Variants in STRN3 observed in about 807,000 individuals in gnomAD.
The protein encoded by STRN3 is striatin 3.
A neutral mutation model predicts 95.6 loss-of-function variants in STRN3; 29 were observed. That is an observed-to-expected ratio of 0.30 (90% confidence interval 0.23 to 0.41). The LOEUF (loss-of-function observed/expected upper bound fraction) is 0.41, where lower values mean the gene tolerates loss of function less well. Ranked by LOEUF, STRN3 falls within the 10% of genes least tolerant of loss-of-function variation. STRN3 has a pLI of 1.00. For synonymous variants in STRN3, 331 were observed against 357.6 expected (o/e 0.93, Z 0.84); for missense variants, 890 against 972.1 (o/e 0.92, Z 1.12).
chr14:30,927,248 G>A (rs146564603), intron 8 of STRN3, among the ~76,000 whole-genome samples: 9 of 152,234 alleles, frequency 5.9e-5, no homozygotes, highest in Admixed American at 1.3e-4. Flanking sequence ...AGGAGAGTTT[G>A]AGGCTACAGT....
At chr14:31,004,497 G>C (rs1882625365) in intron 1 of STRN3, among the ~76,000 whole-genome samples, 1 of 152,030 alleles carries the variant, frequency 6.6e-6, no homozygotes, top group Non-Finnish European at 1.5e-5. Flanking sequence ...AAAGAGGCTG[G>C]GCCTGATGGC....
intron 1 of STRN3, among the ~76,000 whole-genome samples, chr14:30,965,209 T>C (rs72668373): frequency 0.016 from 2,451 of 152,248 alleles, 36 homozygotes; most frequent in South Asian, 0.03. Flanking sequence ...CCTAATACAA[T>C]TGACTATGTA....
chr14:30,975,568 G>C (rs1881055485), intron 1 of STRN3, among the ~76,000 whole-genome samples: 1 of 141,074 alleles, frequency 7.1e-6, no homozygotes, highest in African/African-American at 2.6e-5. Flanking sequence ...GAAGAAGAAA[G>C]AAAGAGAACG....
intron 9 of STRN3, among the ~76,000 whole-genome samples, chr14:30,915,379 CT>C (rs1295813600): frequency 6.6e-6 from 1 of 152,092 alleles, no homozygotes; most frequent in Admixed American, 6.5e-5. Context: ...AAATAGGGCT[CT>C]AAAATGCAGC....
intron 5 of STRN3, among the ~76,000 whole-genome samples, chr14:30,945,096 T>C (rs1474683395): frequency 6.6e-6 from 1 of 152,176 alleles, no homozygotes; most frequent in Non-Finnish European, 1.5e-5. Context: ...CGTCTCATGG[T>C]AAAAATGCTT....
intron 2 of STRN3, 39 bp from the exon 3 acceptor site, chr14:30,955,732 TTC>T (rs748200621): frequency 1.2e-5 from 18 of 1,503,868 alleles, no homozygotes; most frequent in Middle Eastern, 4.7e-4. Context: ...TCACAACTTC[TTC>T]TTTTTGTCAC....
chr14:30,975,909 AAAAG>A (rs1335714802), intron 1 of STRN3, among the ~76,000 whole-genome samples: 1 of 151,994 alleles, frequency 6.6e-6, no homozygotes, highest in African/African-American at 2.4e-5. Context: ...GATAACTACT[AAAAG>A]AAACATTTTT....
At chr14:30,938,026 T>C (rs1878908664) in intron 5 of STRN3, among the ~76,000 whole-genome samples, 1 of 152,172 alleles carries the variant, frequency 6.6e-6, no homozygotes, top group Non-Finnish European at 1.5e-5. Flanking sequence ...TAATACCTAA[T>C]ACACTGTAAA....
intron 1 of STRN3, among the ~76,000 whole-genome samples, chr14:30,976,077 C>A (rs1202472643): frequency 6.6e-6 from 1 of 152,058 alleles, no homozygotes; most frequent in African/African-American, 2.4e-5. Context: ...CATCAATAAT[C>A]ACTTTAAATG....
intron 1 of STRN3, among the ~76,000 whole-genome samples, chr14:30,975,564 GA>G (rs1248468909): frequency 3.6e-5 from 5 of 139,570 alleles, no homozygotes; most frequent in South Asian, 2.3e-4. Flanking sequence ...AAAAGAAGAA[GA>G]AAGAAAGAGA....
At chr14:30,907,596 T>C (rs985855078) in intron 13 of STRN3, among the ~76,000 whole-genome samples, 39 of 142,084 alleles carry the variant, frequency 2.7e-4, no homozygotes, top group Non-Finnish European at 4.7e-4. Context: ...TGAGTATGTT[T>C]TCTTTTTTTC....
chr14:30,939,880 G>A (rs1442005022), intron 5 of STRN3, among the ~76,000 whole-genome samples: 5 of 152,002 alleles, frequency 3.3e-5, no homozygotes, highest in African/African-American at 1.2e-4. Flanking sequence ...TCCCATAACA[G>A]TAATATAGTT....
chr14:30,982,098 C>CAAAAAAAA (rs11451891), intron 1 of STRN3, among the ~76,000 whole-genome samples: 5 of 75,482 alleles, frequency 6.6e-5, no homozygotes, highest in Admixed American at 4.1e-4. Flanking sequence ...CTCTGTCTCA[C>CAAAAAAAA]AAAAAAAAAA....
intron 5 of STRN3, among the ~76,000 whole-genome samples, chr14:30,937,478 C>G (rs917577126): frequency 6.6e-6 from 1 of 152,100 alleles, no homozygotes; most frequent in Non-Finnish European, 1.5e-5. Context: ...ACTTATTTAA[C>G]AGGTAATAGG....
intron 1 of STRN3, among the ~76,000 whole-genome samples, chr14:30,992,060 T>A (rs568565154): frequency 6.5e-4 from 98 of 151,764 alleles, no homozygotes; most frequent in South Asian, 4.2e-3. Context: ...ACAGTAGAGA[T>A]AATAGTATAT....
intron 5 of STRN3, among the ~76,000 whole-genome samples, chr14:30,939,614 AG>A (rs1431664857): frequency 1.3e-5 from 2 of 152,134 alleles, no homozygotes; most frequent in Non-Finnish European, 2.9e-5. Context: ...TCTGCTTGCT[AG>A]GAAATACTTA....
intron 5 of STRN3, among the ~76,000 whole-genome samples, chr14:30,946,189 C>T (rs1261211173): frequency 6.6e-6 from 1 of 152,172 alleles, no homozygotes; most frequent in Non-Finnish European, 1.5e-5. Flanking sequence ...CTCTGAACTA[C>T]ATGAAATCAG....
intron 15 of STRN3, among the ~76,000 whole-genome samples, chr14:30,902,879 T>G (rs1417083110): frequency 6.6e-6 from 1 of 152,140 alleles, no homozygotes; most frequent in Non-Finnish European, 1.5e-5. Flanking sequence ...AACTGAGAAG[T>G]GTTTTAATGC....
At position 30,929,969 on chromosome 14, in the gene STRN3, A is replaced by C. The variant is rs1052502046; in HGVS notation, c.989-658T>G. Among the ~76,000 whole-genome samples the C allele has an allele frequency of 8.7e-5, 13 of 149,338 alleles. 1 individual carries two copies. Among genetic ancestry groups the C allele is most frequent in the African/African-American group, 2.4e-4 (10 of 40,932 alleles). On this transcript the variant is annotated intron_variant, in intron 7 of 17. Coordinates refer to ENST00000357479, the MANE Select transcript of STRN3 (RefSeq NM_001083893.2). ...CTAAGATTAGCAAAAAAAAAAAAAAAAAAAAAAAAACTCAAATTCCACTGA... is the reference window on the plus strand; with the variant it reads ...CTAAGATTAGCAAAAAAAAAAAAAACAAAAAAAAAACTCAAATTCCACTGA...
Sources: gnomAD v4.1 joint callset for allele counts (sites outside exome capture counted in the v4.1 genomes callset) on GRCh38, gnomAD v4.1.1 for gene constraint, MANE v1.5 for transcripts, NCBI Gene and HGNC (gene_info 2026-07-23, HGNC 2026-07-21) for gene names.